Variants in NOXA1 observed in about 807,000 individuals in gnomAD.
NOXA1 encodes the protein NADPH oxidase activator 1, also known as NCF2-like protein.
Under a neutral mutation model 64.8 loss-of-function variants are expected in NOXA1, and 56 were observed. That is an observed-to-expected ratio of 0.86 (90% CI 0.70 to 1.08). NOXA1 has a LOEUF of 1.08. Ranked by LOEUF, NOXA1 falls within the 50% of genes least tolerant of loss-of-function variation. NOXA1 has a pLI of 0.00. For synonymous variants in NOXA1, 295 were observed against 294.8 expected (o/e 1.00, Z -0.01); for missense variants, 668 against 658.5 (o/e 1.01, Z -0.16).
Position 137,429,300 on chromosome 9 carries a change from C to G in NOXA1, c.529C>G (p.Gln177Glu). 1.3e-6 allele frequency: 2 copies of G among 1,571,996 alleles called. No individual in the cohort carries two copies. The highest frequency in any genetic ancestry group is 1.7e-6 in the Non-Finnish European group (2 of 1,159,260). ...VQRRGSLPPR[Q>E]VPRGEVFRPH... The stretch of plus-strand genomic sequence containing the variant: ...GAGACGGGGCTCACTGCCGCCACGG[C>G]AGGTCCCCAGGGGCGAGGTCTTCCG... Residue 177 changes from glutamine to glutamate, a missense_variant, in exon 5 of 14, where the codon CAG (glutamine) becomes GAG (glutamate). Transcript: ENST00000683555.
Position 137,430,839 on chromosome 9 carries a change from C to G in NOXA1, c.668C>G (p.Pro223Arg). Residue 223 changes from proline (P) to arginine (R), a missense_variant, in exon 6 of 14, where the codon CCA becomes CGA. Physicochemically the swap from Pro to Arg is moderately radical, Grantham distance 103. Coordinates refer to ENST00000683555, the MANE Select transcript of NOXA1 (RefSeq NM_001256067.2). ...GGCTGGGGCGTCCGCCCTCAGCAGC[C>G]ACAGGTGGGTTTGCGGCCCCTCAGA... ...DQGWGVRPQQ[P>R]QGPGANHDAR... The G allele has an allele frequency of 6.3e-7, 1 of 1,586,146 alleles. No individual in the cohort carries two copies. Among genetic ancestry groups the G allele is most frequent in the Non-Finnish European group, 8.6e-7 (1 of 1,169,254 alleles).
At chr9:137,433,644 G>T (rs750919305) in intron 11 of NOXA1, 37 bp downstream of exon 11, 1 of 1,529,512 alleles carries the variant, frequency 6.5e-7, no homozygotes, top group African/African-American at 1.4e-5. Context: ...CGGTGGAGCT[G>T]GGCACCGCCC....
Position 137,423,526 on chromosome 9 carries a change from C to G in NOXA1, c.-4C>G. Reference sequence around the variant, plus strand: ...CCCCTCCTCGAGCGCCGCCACCGGCCGCCATGGCCTCTCTGGGGGACCTGG... The same window carrying G: ...CCCCTCCTCGAGCGCCGCCACCGGCGGCCATGGCCTCTCTGGGGGACCTGG... On this transcript the variant is annotated 5_prime_UTR_variant, in exon 1 of 14. Transcript: ENST00000683555. The G allele has an allele frequency of 7.3e-7, 1 of 1,369,890 alleles. No individual in the cohort carries two copies. The highest frequency in any genetic ancestry group is 9.4e-7 in the Non-Finnish European group (1 of 1,062,288). 84.9% of individuals were successfully genotyped at this position (1,369,890 alleles called of 1,614,324 possible).
intron 2 of NOXA1, among the ~76,000 whole-genome samples, chr9:137,426,986 T>C (rs1838869233): frequency 6.6e-6 from 1 of 152,042 alleles, no homozygotes; most frequent in African/African-American, 2.4e-5. Context: ...TAGTAGAGAC[T>C]GGGCATCACC....
Position 137,430,826 on chromosome 9 carries a change from C to G in NOXA1, c.655C>G (p.Arg219Gly). ...AIPDDQGWGV[R>G]PQQPQGPGAN... is the part of the protein sequence containing the mutation. The stretch of plus-strand genomic sequence containing the variant: ...CCCCGACGACCAGGGCTGGGGCGTC[C>G]GCCCTCAGCAGCCACAGGTGGGTTT... Residue 219 changes from arginine (R) to glycine (G), a missense_variant, in exon 6 of 14, where the codon CGC becomes GGC. By Grantham distance (125) the Arg-to-Gly change is moderately radical. Coordinates refer to ENST00000683555, the MANE Select transcript of NOXA1 (RefSeq NM_001256067.2). 1 of 1,589,634 alleles carries G rather than the reference C, an allele frequency of 6.3e-7. No homozygotes were observed. Among genetic ancestry groups the G allele is most frequent in the Non-Finnish European group, 8.5e-7 (1 of 1,171,754 alleles).
chr9:137,427,744 C>A (rs79297100), intron 2 of NOXA1, among the ~76,000 whole-genome samples: 2 of 152,204 alleles, frequency 1.3e-5, no homozygotes, highest in African/African-American at 4.8e-5. Flanking sequence ...GCTCTCTGCA[C>A]GGTTCAGAAG....
intron 1 of NOXA1, 67 bp from the exon 2 acceptor site, chr9:137,426,181 G>A (rs544223711): frequency 1.1e-4 from 147 of 1,388,440 alleles, no homozygotes; most frequent in Non-Finnish European, 1.4e-4. Context: ...CACCCATCAC[G>A]CTGTATCTGT....
rs1235773508 is a variant in NOXA1, at chr9:137,427,288, G to GT, written c.261-744dup. 2.0e-5 allele frequency among the ~76,000 whole-genome samples: 3 copies of GT among 152,298 alleles called. No individual in the cohort carries two copies. In the East Asian group the frequency reaches 5.8e-4, roughly 29 times the overall value. ...CTCATGAGGAGCTAGGTCAGAAGGGGTAAGACGTAGGTGCGTAGACTCTGG... is the reference window on the plus strand; with the variant it reads ...CTCATGAGGAGCTAGGTCAGAAGGGGTTAAGACGTAGGTGCGTAGACTCTGG... On this transcript the variant is annotated intron_variant, in intron 2 of 13. Coordinates refer to ENST00000683555, the MANE Select transcript of NOXA1 (RefSeq NM_001256067.2).
intron 2 of NOXA1, 113 bp downstream of exon 2, chr9:137,426,443 C>G (rs116517698): frequency 1.1e-6 from 1 of 915,952 alleles, no homozygotes; most frequent in Non-Finnish European, 1.8e-6. Flanking sequence ...TTGCCCACCC[C>G]CTCCTCCATG....
intron 5 of NOXA1, 103 bp from the exon 6 acceptor site, chr9:137,430,681 C>T: frequency 5.1e-6 from 5 of 977,666 alleles, no homozygotes; most frequent in Admixed American, 3.4e-5. Context: ...TGTCACCCAG[C>T]CCCCGGGGAC....
chr9:137,425,148 G>A (rs948373133), intron 1 of NOXA1, among the ~76,000 whole-genome samples: 1 of 152,156 alleles, frequency 6.6e-6, no homozygotes, highest in Non-Finnish European at 1.5e-5. Context: ...TGTGAACTTG[G>A]TTCAACGACA....
intron 6 of NOXA1, 88 bp from the exon 7 acceptor site, chr9:137,430,987 C>G (rs1839084158): frequency 6.2e-7 from 1 of 1,603,284 alleles, no homozygotes; most frequent in Admixed American, 1.7e-5. Flanking sequence ...CTGTGTAAGA[C>G]CTGGGGAAAC....
Position 137,428,148 on chromosome 9 carries a change from C to CCGGGCAGGGCT in NOXA1, c.369+9_369+19dup, listed in dbSNP as rs779733640. 6 of 1,550,020 alleles carry CCGGGCAGGGCT rather than the reference C, an allele frequency of 3.9e-6. No homozygotes were observed. In the Admixed American group the frequency reaches 1.2e-4, roughly 30 times the overall value. ...CAAGCTGCAAGCCTGGGAGGTGAGGCCGGGCAGGGCTCACTGTGCTGCTGG... is the reference window on the plus strand; with the variant it reads ...CAAGCTGCAAGCCTGGGAGGTGAGGCCGGGCAGGGCTCGGGCAGGGCTCACTGTGCTGCTGG... On this transcript the variant is annotated splice_region_variant and intron_variant, in intron 3 of 13. Transcript: ENST00000683555.
chr9:137,429,168 G>T (rs1167148030), intron 4 of NOXA1, 108 bp from the exon 5 acceptor site: 2 of 1,322,500 alleles, frequency 1.5e-6, no homozygotes, highest in Non-Finnish European at 1.0e-6. Flanking sequence ...CTGCGGGAAG[G>T]GGGTGGGGGG....
In NOXA1 at chr9:137,431,346, G is replaced by C. The variant is rs762182494; in HGVS notation, c.804+5G>C. The C allele has an allele frequency of 1.9e-6, 3 of 1,603,150 alleles. No homozygotes were observed. Among genetic ancestry groups the C allele is most frequent in the Non-Finnish European group, 2.5e-6 (3 of 1,177,072 alleles). On this transcript the variant is annotated splice_donor_5th_base_variant and intron_variant, in intron 8 of 13. Transcript: ENST00000683555. This position sits in a 1 kb window ranked among gnomAD's most constrained non-coding sequence, Gnocchi z 5.6. ...TCGACTGCCTACCAGGAGCAGGTGC[G>C]TGGGCCTGGGCCTCTTCCCCTGCTG...
chr9:137,425,420 C>G (rs1406311694), intron 1 of NOXA1, among the ~76,000 whole-genome samples: 4 of 152,174 alleles, frequency 2.6e-5, no homozygotes, highest in Non-Finnish European at 5.9e-5. Flanking sequence ...GAATCTCGCT[C>G]TGTCTTGCAG....
intron 8 of NOXA1, among the ~76,000 whole-genome samples, chr9:137,432,451 G>T (rs1839149782): frequency 6.6e-6 from 1 of 152,210 alleles, no homozygotes; most frequent in East Asian, 1.9e-4. Context: ...ATGGCGGCGG[G>T]CACCTGTAGT....
chr9:137,432,616 C>T (rs1340512378), intron 8 of NOXA1, among the ~76,000 whole-genome samples: 1 of 152,224 alleles, frequency 6.6e-6, no homozygotes, highest in African/African-American at 2.4e-5. Context: ...CAGGGTCTAG[C>T]CAGCGCTGGG....
At chr9:137,430,747 C>T (rs1839074458) in intron 5 of NOXA1, 37 bp from the exon 6 acceptor site, 2 of 1,572,848 alleles carry the variant, frequency 1.3e-6, no homozygotes, top group Admixed American at 1.8e-5. Flanking sequence ...TGCTGGGCCG[C>T]TGATCCCTGA....
Sources: allele counts gnomAD v4.1 joint callset (sites outside exome capture counted in the v4.1 genomes callset), GRCh38; gene constraint gnomAD v4.1.1; non-coding constraint Gnocchi (gnomAD v3.1); transcripts MANE v1.5; gene names NCBI Gene and HGNC (gene_info 2026-07-23, HGNC 2026-07-21).